The following PTPRK variants were observed in gnomAD, a reference collection of about 807,000 sequenced individuals.
PTPRK encodes receptor-type tyrosine-protein phosphatase kappa.
A neutral mutation model predicts 178.0 loss-of-function variants in PTPRK; 75 were observed. The ratio of observed to expected loss-of-function variants is 0.42; its 90% confidence interval spans 0.35 to 0.51. The LOEUF is 0.51. PTPRK is among the 20% of genes least tolerant of loss of function. The pLI is 0.02. For missense variants in PTPRK, 1,441 were observed against 1,797.8 expected (o/e 0.80, Z 3.59); for synonymous variants, 637 against 620.6 (o/e 1.03, Z -0.39).
chr6:128,257,120 C>T (rs896638770), intron 3 of PTPRK, among the ~76,000 whole-genome samples: 2 of 151,678 alleles, frequency 1.3e-5, no homozygotes, highest in Non-Finnish European at 2.9e-5. Context: ...ATCCCAGCTA[C>T]TCGGGAGGCT....
chr6:128,163,574 C>G (rs895212831), intron 7 of PTPRK, among the ~76,000 whole-genome samples: 3 of 151,296 alleles, frequency 2.0e-5, no homozygotes, highest in African/African-American at 7.3e-5. Flanking sequence ...CTTCTTAGAG[C>G]TAGGGTTTTA....
At chr6:128,359,523 G>A (rs1013339532) in intron 2 of PTPRK, among the ~76,000 whole-genome samples, 11 of 151,994 alleles carry the variant, frequency 7.2e-5, no homozygotes, top group African/African-American at 2.4e-4. Context: ...AGGCTGAGGC[G>A]GGTGGATCAC....
chr6:128,115,485 G>T (rs1479680110), intron 7 of PTPRK, among the ~76,000 whole-genome samples: 11 of 152,116 alleles, frequency 7.2e-5, no homozygotes, highest in Middle Eastern at 3.4e-3. Flanking sequence ...CAAGAGTAAT[G>T]ATTTTATTAT....
At chr6:128,383,163 T>TA in intron 2 of PTPRK, among the ~76,000 whole-genome samples, 1 of 152,272 alleles carries the variant, frequency 6.6e-6, no homozygotes, top group Admixed American at 6.5e-5. Context: ...TAATCCAGTT[T>TA]AAAAAATCGA....
chr6:128,429,189 A>G (rs936738455), intron 1 of PTPRK, among the ~76,000 whole-genome samples: 2 of 152,200 alleles, frequency 1.3e-5, no homozygotes, highest in African/African-American at 4.8e-5. Context: ...AAAAGGAGGG[A>G]CAGGAACACA....
chr6:128,202,220 A>G (rs1019990074), intron 6 of PTPRK, among the ~76,000 whole-genome samples: 2 of 152,168 alleles, frequency 1.3e-5, no homozygotes, highest in African/African-American at 4.8e-5. Context: ...GCGATGGCCC[A>G]CTTCGGGGAG....
chr6:128,120,181 T>C (rs1302139671), intron 7 of PTPRK, among the ~76,000 whole-genome samples: 1 of 152,008 alleles, frequency 6.6e-6, no homozygotes, highest in African/African-American at 2.4e-5. Context: ...ATTTTTTGCA[T>C]GTCAATTCTA....
At chr6:128,446,987 G>T (rs1300289712) in intron 1 of PTPRK, among the ~76,000 whole-genome samples, 4 of 152,102 alleles carry the variant, frequency 2.6e-5, no homozygotes, top group Non-Finnish European at 5.9e-5. Flanking sequence ...TCATAATAAA[G>T]TGTAAGCTTC....
chr6:128,083,562 A>C (rs1785199595), intron 9 of PTPRK, 153 bp downstream of exon 9: 1 of 422,970 alleles, frequency 2.4e-6, no homozygotes, highest in African/African-American at 2.1e-5. Flanking sequence ...TTAATTTTGG[A>C]ATCAAAGAAT....
intron 3 of PTPRK, among the ~76,000 whole-genome samples, chr6:128,276,673 C>A (rs962670158): frequency 6.6e-6 from 1 of 152,192 alleles, no homozygotes; most frequent in Non-Finnish European, 1.5e-5. Flanking sequence ...CTTCCTTGTG[C>A]CAGTCTCTGT....
At chr6:128,391,663 G>T (rs1309263910) in intron 2 of PTPRK, among the ~76,000 whole-genome samples, 1 of 152,008 alleles carries the variant, frequency 6.6e-6, no homozygotes, top group Non-Finnish European at 1.5e-5. Context: ...ATTAGTCAAA[G>T]TGATCCACTA....
intron 2 of PTPRK, among the ~76,000 whole-genome samples, chr6:128,361,466 CAT>C (rs1442484570): frequency 6.6e-6 from 1 of 152,184 alleles, no homozygotes; most frequent in Admixed American, 6.5e-5. Context: ...CAAATAAATG[CAT>C]ATATGTCATG....
At chr6:128,366,270 C>T (rs1035299739) in intron 2 of PTPRK, among the ~76,000 whole-genome samples, 7 of 151,974 alleles carry the variant, frequency 4.6e-5, no homozygotes, top group South Asian at 4.1e-4. Context: ...GGATCACTTA[C>T]GGAAAAACAC....
chr6:128,136,949 T>C (rs1292933643), intron 7 of PTPRK, among the ~76,000 whole-genome samples: 13 of 152,158 alleles, frequency 8.5e-5, no homozygotes. Flanking sequence ...TGTTCTCCAA[T>C]AGCCCAGTGC....
chr6:128,342,595 C>T (rs1257146356), intron 2 of PTPRK, among the ~76,000 whole-genome samples: 1 of 151,072 alleles, frequency 6.6e-6, no homozygotes, highest in Non-Finnish European at 1.5e-5. Flanking sequence ...GTAGTTATAC[C>T]TCTGTCCCAT....
rs777610605 is a variant in PTPRK, at chr6:128,432,447, T to C, written c.101-34759A>G. 6.6e-5 allele frequency among the ~76,000 whole-genome samples: 10 copies of C among 152,356 alleles called. No homozygotes were observed. In the East Asian group the frequency reaches 9.6e-4, roughly 15 times the overall value. ...TTCTTATTATAAAACTCTGTCCATT[T>C]ATAGTTATGTAATAATGAGCCTTGA... On this transcript the variant is annotated intron_variant, in intron 1 of 29. Transcript: ENST00000368226.
At chr6:128,490,395 A>G (rs908619005) in intron 1 of PTPRK, among the ~76,000 whole-genome samples, 2 of 152,210 alleles carry the variant, frequency 1.3e-5, no homozygotes, top group African/African-American at 4.8e-5. Flanking sequence ...CATCATTCCT[A>G]CATAGTATAG....
chr6:128,275,005 A>G (rs575197145), intron 3 of PTPRK, among the ~76,000 whole-genome samples: 29 of 152,122 alleles, frequency 1.9e-4, no homozygotes, highest in African/African-American at 6.5e-4. Context: ...GTTTCCAAAG[A>G]GAAGAAAAAA....
intron 11 of PTPRK, among the ~76,000 whole-genome samples, chr6:128,075,806 T>C (rs184289674): frequency 1.3e-5 from 2 of 152,014 alleles, no homozygotes; most frequent in Admixed American, 6.6e-5. Flanking sequence ...GGAGTTTGTT[T>C]GATATTAGGA....
Sources: allele counts gnomAD v4.1 joint callset (sites outside exome capture counted in the v4.1 genomes callset), GRCh38; gene constraint gnomAD v4.1.1; transcripts MANE v1.5; gene names NCBI Gene and HGNC (gene_info 2026-07-23, HGNC 2026-07-21).